PTPRG: variants seen among roughly 807,000 people sequenced by gnomAD.
PTPRG encodes the protein protein tyrosine phosphatase receptor type G, also known as receptor-type tyrosine-protein phosphatase gamma.
A neutral mutation model predicts 165.3 loss-of-function variants in PTPRG; 102 were observed. The observed-to-expected ratio is 0.62, with a 90% CI of 0.53 to 0.73. The LOEUF is 0.73. Among genes scored for constraint, PTPRG ranks in the 30% least tolerant of loss-of-function variants. PTPRG has a pLI of 0.00. For synonymous variants in PTPRG, 675 were observed against 669.5 expected (o/e 1.01, Z -0.13); for missense variants, 1,866 against 1,861.4 (o/e 1.00, Z -0.05).
At chr3:62,258,187 T>A in intron 16 of PTPRG, among the ~76,000 whole-genome samples, 1 of 152,118 alleles carries the variant, frequency 6.6e-6, no homozygotes, top group South Asian at 2.1e-4. Flanking sequence ...AGAATACGAC[T>A]TATAAAAATC....
chr3:61,837,431 T>G (rs1397650328), intron 2 of PTPRG, among the ~76,000 whole-genome samples: 1 of 152,212 alleles, frequency 6.6e-6, no homozygotes, highest in Admixed American at 6.5e-5. Context: ...TACAGTAAAG[T>G]AACTGGAAGT....
At chr3:61,754,607 C>T (rs1371719006) in intron 2 of PTPRG, among the ~76,000 whole-genome samples, 2 of 152,156 alleles carry the variant, frequency 1.3e-5, no homozygotes, top group Non-Finnish European at 2.9e-5. Flanking sequence ...GATAAATTAA[C>T]TCAAGCCAGA....
At chr3:62,090,599 T>C (rs1015781682) in intron 5 of PTPRG, among the ~76,000 whole-genome samples, 13 of 152,176 alleles carry the variant, frequency 8.5e-5, no homozygotes, top group African/African-American at 3.1e-4. Flanking sequence ...ACAGGTAAAA[T>C]CCCAAGTCTT....
At chr3:62,022,834 C>T (rs1159957867) in intron 4 of PTPRG, among the ~76,000 whole-genome samples, 2 of 152,096 alleles carry the variant, frequency 1.3e-5, no homozygotes, top group African/African-American at 4.8e-5. Context: ...TGTAGAACTA[C>T]TATTTCTACA....
At chr3:62,173,915 A>G (rs1414367034) in intron 8 of PTPRG, among the ~76,000 whole-genome samples, 2 of 152,200 alleles carry the variant, frequency 1.3e-5, no homozygotes, top group Non-Finnish European at 2.9e-5. Flanking sequence ...AGTGGGGGAA[A>G]AGTCATCTTA....
intron 2 of PTPRG, among the ~76,000 whole-genome samples, chr3:61,798,297 G>A (rs1367368904): frequency 1.3e-5 from 2 of 152,156 alleles, no homozygotes; most frequent in Non-Finnish European, 2.9e-5. Flanking sequence ...CAGCATGTTA[G>A]GATCCCTTCC....
rs1313807712 is a variant in PTPRG, at chr3:61,991,633, G to A, written c.370+1829G>A. ...TAAATATGGTGTTCTTAGGATAACCGCAATGAGATTATTTCTCTTCATACC... is the reference window on the plus strand; with the variant it reads ...TAAATATGGTGTTCTTAGGATAACCACAATGAGATTATTTCTCTTCATACC... On this transcript the variant is annotated intron_variant, in intron 3 of 29. Coordinates refer to ENST00000474889, the MANE Select transcript of PTPRG (RefSeq NM_002841.4). Among the ~76,000 whole-genome samples the A allele has an allele frequency of 2.0e-5, 3 of 152,154 alleles. No homozygotes were observed. The South Asian group carries it at 6.2e-4, about 32-fold the overall frequency.
intron 28 of PTPRG, among the ~76,000 whole-genome samples, chr3:62,286,894 G>A (rs1210881796): frequency 6.6e-6 from 1 of 152,064 alleles, no homozygotes; most frequent in Non-Finnish European, 1.5e-5. Flanking sequence ...GAAAGAGAAT[G>A]GCCCTTTTTG....
chr3:62,245,914 A>T lies in PTPRG; in HGVS notation c.2467+2016A>T, dbSNP rs1221107905. 3.3e-5 allele frequency among the ~76,000 whole-genome samples: 5 copies of T among 152,098 alleles called. No homozygotes were observed. The highest frequency in any genetic ancestry group is 7.4e-5 in the Non-Finnish European group (5 of 67,992). On this transcript the variant is annotated intron_variant, in intron 15 of 29. Transcript: ENST00000474889. This position sits in a 1 kb window ranked among gnomAD's most constrained non-coding sequence, Gnocchi z 4.2. ...TAGGCTTTAGAACTTTCAATTCACT[A>T]GGATCCTCTGAATATGCCTTGCAAC... is the stretch of plus-strand genomic sequence containing the variant.
chr3:61,956,925 C>G (rs1265973720), intron 2 of PTPRG, among the ~76,000 whole-genome samples: 2 of 152,134 alleles, frequency 1.3e-5, no homozygotes, highest in African/African-American at 2.4e-5. Context: ...TCATCCCTGT[C>G]TCTGTGCTTT....
intron 28 of PTPRG, among the ~76,000 whole-genome samples, chr3:62,283,249 G>C (rs1379613778): frequency 6.6e-6 from 1 of 152,038 alleles, no homozygotes; most frequent in African/African-American, 2.4e-5. Context: ...ACACTTGTTA[G>C]GGAAATAACC....
chr3:62,038,876 T>C (rs1203973438), intron 4 of PTPRG, among the ~76,000 whole-genome samples: 1 of 152,148 alleles, frequency 6.6e-6, no homozygotes, highest in African/African-American at 2.4e-5. Flanking sequence ...TGGTAGTCTG[T>C]TGTATATTTA....
At chr3:61,676,418 C>T (rs1225914187) in intron 1 of PTPRG, among the ~76,000 whole-genome samples, 8 of 120,170 alleles carry the variant, frequency 6.7e-5, no homozygotes, top group Non-Finnish European at 3.3e-5. Context: ...GATTGCACCA[C>T]TGCACTCCAG....
chr3:62,095,992 C>T (rs931495463), intron 5 of PTPRG, among the ~76,000 whole-genome samples: 1 of 152,076 alleles, frequency 6.6e-6, no homozygotes, highest in African/African-American at 2.4e-5. Flanking sequence ...CTAGACTTTT[C>T]TTGGGGAGCC....
At chr3:62,026,528 C>G (rs2041807466) in intron 4 of PTPRG, among the ~76,000 whole-genome samples, 1 of 152,148 alleles carries the variant, frequency 6.6e-6, no homozygotes, top group African/African-American at 2.4e-5. Context: ...GGGCCCTGTA[C>G]TGCTGCCTGC....
At chr3:61,809,718 A>G (rs1003535977) in intron 2 of PTPRG, among the ~76,000 whole-genome samples, 2 of 152,230 alleles carry the variant, frequency 1.3e-5, no homozygotes, top group Non-Finnish European at 2.9e-5. Flanking sequence ...GAAGGGGAAT[A>G]GAAAGACATA....
In PTPRG at chr3:62,032,617, G is replaced by C. The variant is rs559968878; in HGVS notation, c.519+29120G>C. Among the ~76,000 whole-genome samples the C allele has an allele frequency of 5.9e-5, 9 of 152,158 alleles. No homozygotes were observed. The South Asian group carries it at 1.9e-3, about 32-fold the overall frequency. On this transcript the variant is annotated intron_variant, in intron 4 of 29. Coordinates refer to ENST00000474889, the MANE Select transcript of PTPRG (RefSeq NM_002841.4). ...GTGAAGACGTTTTCCTTGACAGCAG[G>C]ATTTACTCCTGAGTTATAAATTTGC... is the stretch of plus-strand genomic sequence containing the variant.
rs35133425 is a variant in PTPRG at position 62,186,567 on chromosome 3, C to CTTTTT, written c.1034-4889_1034-4885dup. ...GTTGAAGCTGGATTTTTTTCTTTTCCTTTTTTTTTTTTTTTTTGAGATAGG... is the reference window on the plus strand; with the variant it reads ...GTTGAAGCTGGATTTTTTTCTTTTCCTTTTTTTTTTTTTTTTTTTTTTGAGATAGG... On this transcript the variant is annotated intron_variant, in intron 8 of 29. Coordinates refer to ENST00000474889, the MANE Select transcript of PTPRG (RefSeq NM_002841.4). 6.6e-4 allele frequency among the ~76,000 whole-genome samples: 77 copies of CTTTTT among 117,514 alleles called. No individual in the cohort carries two copies. The South Asian group carries it at 7.7e-3, about 12-fold the overall frequency. The allele number at this position is 117,514 out of a possible 152,430, so 77.1% of individuals were successfully genotyped here. A position where few individuals can be genotyped will look rare whatever the true frequency, so the allele number is the denominator to read the frequency against.
chr3:61,613,358 A>C (rs546014901), intron 1 of PTPRG, among the ~76,000 whole-genome samples: 1 of 152,310 alleles, frequency 6.6e-6, no homozygotes, highest in East Asian at 1.9e-4. Context: ...GATTGCTTCA[A>C]TATTTAGGTA....
Sources: allele counts gnomAD v4.1 joint callset (sites outside exome capture counted in the v4.1 genomes callset), GRCh38; gene constraint gnomAD v4.1.1; non-coding constraint Gnocchi (gnomAD v3.1); transcripts MANE v1.5; gene names NCBI Gene and HGNC (gene_info 2026-07-23, HGNC 2026-07-21).